The following NECTIN3 variants were observed in gnomAD, a reference collection of about 807,000 sequenced individuals.
The protein encoded by NECTIN3 is nectin cell adhesion molecule 3.
In NECTIN3, 8 loss-of-function variants were observed where a neutral mutation model predicts 49.4. That is an observed-to-expected ratio of 0.16 (90% CI 0.10 to 0.29). The LOEUF is 0.29. NECTIN3 is among the 10% of genes least tolerant of loss of function. The pLI is 1.00. For synonymous variants in NECTIN3, 277 were observed against 241.1 expected (o/e 1.15, Z -1.38); for missense variants, 581 against 654.6 (o/e 0.89, Z 1.23).
intron 2 of NECTIN3, 64 bp downstream of exon 2, chr3:111,112,435 AG>A: frequency 9.7e-7 from 1 of 1,027,378 alleles, no homozygotes; most frequent in Non-Finnish European, 1.4e-6. Context: ...AATATTTTTA[AG>A]AAATTAAAAT....
intron 1 of NECTIN3, among the ~76,000 whole-genome samples, chr3:111,111,187 G>T (rs928871303): frequency 1.3e-5 from 2 of 152,054 alleles, no homozygotes; most frequent in Non-Finnish European, 2.9e-5. Flanking sequence ...GAGCAGCATC[G>T]TGCTTGACTA....
chr3:111,072,350 G>A (rs895637230), intron 1 of NECTIN3, 173 bp downstream of exon 1: 33 of 1,448,470 alleles, frequency 2.3e-5, no homozygotes, highest in Non-Finnish European at 2.8e-5. Context: ...GGCCCTGGAA[G>A]GGCCAGGCCA....
chr3:111,092,610 A>G (rs1172506075), intron 1 of NECTIN3, among the ~76,000 whole-genome samples: 1 of 118,880 alleles, frequency 8.4e-6, no homozygotes, highest in African/African-American at 2.5e-5. Context: ...GATAAATGTG[A>G]TGGTTTATCT....
chr3:111,151,485 T>G (rs1285814641), intron 7 of NECTIN3, among the ~76,000 whole-genome samples: 2 of 151,956 alleles, frequency 1.3e-5, no homozygotes, highest in African/African-American at 4.8e-5. Context: ...TTTTAAATGT[T>G]AGCAGTTATC....
chr3:111,150,098 G>T (rs1023329102), intron 7 of NECTIN3, among the ~76,000 whole-genome samples: 1 of 151,978 alleles, frequency 6.6e-6, no homozygotes, highest in African/African-American at 2.4e-5. Context: ...AGAATATTCT[G>T]TGTTTCAGCT....
At chr3:111,121,515 T>G (rs560769339) in intron 3 of NECTIN3, among the ~76,000 whole-genome samples, 1 of 152,170 alleles carries the variant, frequency 6.6e-6, no homozygotes, top group Non-Finnish European at 1.5e-5. Flanking sequence ...GGATGAAAAT[T>G]CATGTTTTAG....
At chr3:111,115,207 G>T (rs2033641685) in intron 2 of NECTIN3, among the ~76,000 whole-genome samples, 1 of 152,150 alleles carries the variant, frequency 6.6e-6, no homozygotes, top group South Asian at 2.1e-4. Flanking sequence ...AGTTAGTGGG[G>T]AATCACCCCC....
At chr3:111,127,465 CTTTT>C (rs35153084) in intron 5 of NECTIN3, among the ~76,000 whole-genome samples, 3 of 101,180 alleles carry the variant, frequency 3.0e-5, no homozygotes, top group Non-Finnish European at 6.7e-5. Flanking sequence ...TGCAAACTTT[CTTTT>C]TTTTTTTTTT....
rs367902319 is a variant in NECTIN3, at chr3:111,105,217, A to G, written c.161-6813A>G. ...GAGTGCAGTGGCACGATCTTGGCTC[A>G]TTGCAACCTCTGCCTCTCAGACTCA... is the stretch of plus-strand genomic sequence containing the variant. On this transcript the variant is annotated intron_variant, in intron 1 of 5. Transcript: ENST00000485303. Among the ~76,000 whole-genome samples, 25 of 147,896 alleles carry G rather than the reference A, an allele frequency of 1.7e-4. No homozygotes were observed. The East Asian group carries it at 4.2e-3, about 25-fold the overall frequency.
intron 7 of NECTIN3, among the ~76,000 whole-genome samples, chr3:111,165,664 G>C (rs1025590614): frequency 3.3e-5 from 5 of 152,122 alleles, no homozygotes; most frequent in African/African-American, 1.2e-4. Flanking sequence ...TGTTCACCCT[G>C]CCTGTAAAAC....
downstream of NECTIN3, among the ~76,000 whole-genome samples, chr3:111,139,523 A>G (rs1411485552): frequency 6.6e-6 from 1 of 151,806 alleles, no homozygotes; most frequent in Admixed American, 6.6e-5. Flanking sequence ...TACATCACAC[A>G]TAAGTGGTGC....
intron 1 of NECTIN3, among the ~76,000 whole-genome samples, chr3:111,089,054 C>T (rs1432970131): frequency 6.6e-6 from 1 of 152,016 alleles, no homozygotes; most frequent in Non-Finnish European, 1.5e-5. Flanking sequence ...AATTTGTCAA[C>T]TTCATGCTTT....
At chr3:111,098,767 G>A (rs965801011) in intron 1 of NECTIN3, among the ~76,000 whole-genome samples, 1 of 151,796 alleles carries the variant, frequency 6.6e-6, no homozygotes, top group African/African-American at 2.4e-5. Flanking sequence ...ATTTACTCTT[G>A]TTAATTTTTT....
chr3:111,071,978 G>A lies in NECTIN3; in HGVS notation c.-40G>A, dbSNP rs1158426376. The A allele has an allele frequency of 3.6e-6, 5 of 1,371,750 alleles. No individual in the cohort carries two copies. The African/African-American group carries it at 7.6e-5, about 21-fold the overall frequency. The allele number at this position is 1,371,750 out of a possible 1,614,324, so 85.0% of individuals were successfully genotyped here. A position where few individuals can be genotyped will look rare whatever the true frequency, so the allele number is the denominator to read the frequency against. On this transcript the variant is annotated 5_prime_UTR_variant, in exon 1 of 6. Coordinates refer to ENST00000485303, the MANE Select transcript of NECTIN3 (RefSeq NM_015480.3). ...CTGAGGCGCCGGGGCCGGGGGAGCC[G>A]GGGGGCGGGCGGGCGAGCGGGCCGG...
chr3:111,186,227 C>T (rs1459803131), intron 7 of NECTIN3, among the ~76,000 whole-genome samples: 1 of 151,496 alleles, frequency 6.6e-6, no homozygotes, highest in Non-Finnish European at 1.5e-5. Context: ...CATATGGAAC[C>T]AAAAAAGAGT....
Position 111,135,662 on chromosome 3 carries a change from T to C in NECTIN3, c.*1447T>C, listed in dbSNP as rs1195623733. ...TAAATTAAATATATTATTTTGTTAA[T>C]AAAAAGGCAAAGTAGTAGGTACTTT... On this transcript the variant is annotated 3_prime_UTR_variant, in exon 6 of 6. Transcript: ENST00000485303. 3.1e-6 allele frequency: 3 copies of C among 960,940 alleles called. No homozygotes were observed. The African/African-American group carries it at 5.3e-5, about 17-fold the overall frequency. The allele number at this position is 960,940 out of a possible 1,614,324, so 59.5% of individuals were successfully genotyped here.
intron 7 of NECTIN3, among the ~76,000 whole-genome samples, chr3:111,184,569 A>C (rs1045804020): frequency 6.6e-6 from 1 of 152,146 alleles, no homozygotes; most frequent in Non-Finnish European, 1.5e-5. Flanking sequence ...ATAAACTTCT[A>C]TTGTTTACAG....
intron 6 of NECTIN3, among the ~76,000 whole-genome samples, chr3:111,146,065 C>G (rs1374546648): frequency 5.3e-5 from 8 of 152,146 alleles, no homozygotes; most frequent in Non-Finnish European, 7.3e-5. Flanking sequence ...TTAGAAAAAA[C>G]AATTATTTTA....
chr3:111,158,353 C>G (rs1382167785), intron 7 of NECTIN3, among the ~76,000 whole-genome samples: 1 of 152,044 alleles, frequency 6.6e-6, no homozygotes, highest in African/African-American at 2.4e-5. Flanking sequence ...TTCATTGGCA[C>G]TTTACGGAAG....
Sources: allele counts gnomAD v4.1 joint callset (sites outside exome capture counted in the v4.1 genomes callset), GRCh38; gene constraint gnomAD v4.1.1; transcripts MANE v1.5; gene names NCBI Gene and HGNC (gene_info 2026-07-23, HGNC 2026-07-21).